The following COLEC10 variants were observed in gnomAD, a reference collection of about 807,000 sequenced individuals.
COLEC10 encodes the protein collectin subfamily member 10, also known as collectin-10.
COLEC10 carries 22 observed loss-of-function variants against 28.4 expected under a neutral mutation model. That is an observed-to-expected ratio of 0.78 (90% CI 0.55 to 1.11). The LOEUF is 1.11. COLEC10 is among the 50% of genes least tolerant of loss of function. The probability of loss-of-function intolerance (pLI) is 0.00; values close to 1 mark genes in which losing one functional copy is unlikely to be tolerated. For missense variants in COLEC10, 361 were observed against 344.1 expected, an observed-to-expected ratio of 1.05 and a Z score of -0.39; for synonymous variants, 125 against 116.1, an observed-to-expected ratio of 1.08 and a Z score of -0.49.
chr8:118,967,763 A>AT, the COLEC10 span, among the ~76,000 whole-genome samples: 2 of 152,016 alleles, frequency 1.3e-5, no homozygotes, highest in Non-Finnish European at 2.9e-5. Context: ...TCCATATGGG[A>AT]TTTTGTTTTA....
rs1815926695 is a variant in COLEC10, at chr8:119,105,841, A to G, written c.484A>G (p.Ile162Val). 5 of 1,613,604 alleles carry G rather than the reference A, an allele frequency of 3.1e-6. No individual in the cohort carries two copies. Among genetic ancestry groups the G allele is most frequent in the Non-Finnish European group, 4.2e-6 (5 of 1,179,756 alleles). ...IRETEEKFYY[I>V]VQEEKNYRES... ...GGAAACTGAAGAGAAATTCTACTAC[A>G]TCGTGCAGGAAGAGAAGAACTACAG... Residue 162 changes from isoleucine (I) to valine (V), a missense_variant, in exon 6 of 6, where the codon ATC (isoleucine) becomes GTC (valine). Physicochemically the swap from Ile to Val is conservative, Grantham distance 29 (BLOSUM62 3). This residue lies in a region of COLEC10 where 335 missense variants were observed against 308.5 expected (regional missense o/e 1.09). Transcript: ENST00000332843.
chr8:119,018,774 AC>A (rs1297230476), intron 2 of COLEC10, among the ~76,000 whole-genome samples: 6 of 152,174 alleles, frequency 3.9e-5, no homozygotes, highest in African/African-American at 1.4e-4. Flanking sequence ...TTGTCTCAGA[AC>A]CAAATTCTTC....
the COLEC10 span, among the ~76,000 whole-genome samples, chr8:118,982,389 A>G: frequency 6.6e-6 from 1 of 152,162 alleles, no homozygotes; most frequent in African/African-American, 2.4e-5. Flanking sequence ...CTTTCAAAAT[A>G]TTATGAAATA....
chr8:119,067,176 G>T, upstream of COLEC10: 2 of 1,170,554 alleles, frequency 1.7e-6, no homozygotes, highest in Middle Eastern at 2.0e-4. Context: ...TTTTTGGAAT[G>T]TGTGTTCCAA....
intron 1 of COLEC10, among the ~76,000 whole-genome samples, chr8:118,999,835 T>C (rs1311102853): frequency 6.6e-6 from 1 of 152,138 alleles, no homozygotes. Context: ...TAACAACAGT[T>C]CAATTACAGT....
chr8:118,959,140 A>G, the COLEC10 span, among the ~76,000 whole-genome samples: 1 of 152,208 alleles, frequency 6.6e-6, no homozygotes, highest in African/African-American at 2.4e-5. Context: ...AAGGAAGACA[A>G]AAGCAGAAGT....
At chr8:119,026,526 CAAAACA>C (rs1421558750) in intron 2 of COLEC10, among the ~76,000 whole-genome samples, 2 of 152,074 alleles carry the variant, frequency 1.3e-5, no homozygotes, top group African/African-American at 2.4e-5. Flanking sequence ...GATCCTATCT[CAAAACA>C]AAAACAAAAA....
At chr8:119,052,742 C>T (rs1409297490) in intron 2 of COLEC10, among the ~76,000 whole-genome samples, 1 of 152,120 alleles carries the variant, frequency 6.6e-6, no homozygotes. Flanking sequence ...AGAATTATTA[C>T]ATTCTAACTG....
chr8:119,016,357 T>C (rs757487054), intron 2 of COLEC10, among the ~76,000 whole-genome samples: 99 of 152,208 alleles, frequency 6.5e-4, no homozygotes, highest in Non-Finnish European at 1.1e-3. Flanking sequence ...GGACATGAAC[T>C]CATCCTTTTT....
chr8:118,966,492 T>C, the COLEC10 span, among the ~76,000 whole-genome samples: 1 of 152,062 alleles, frequency 6.6e-6, no homozygotes. Flanking sequence ...TGCAAGGAGA[T>C]TTCAGTAACA....
At chr8:119,067,493 C>T (rs905577166) in intron 1 of COLEC10, 64 bp downstream of exon 1, 114 of 1,447,696 alleles carry the variant, frequency 7.9e-5, no homozygotes, top group Non-Finnish European at 1.0e-4. Flanking sequence ...ATCTCTGAAC[C>T]CCTTCCTAGA....
At chr8:119,028,498 G>T (rs183611898) in intron 2 of COLEC10, among the ~76,000 whole-genome samples, 1 of 152,222 alleles carries the variant, frequency 6.6e-6, no homozygotes, top group Admixed American at 6.5e-5. Context: ...AGAAAATAAG[G>T]AAGAAGCCAA....
intron 2 of COLEC10, among the ~76,000 whole-genome samples, chr8:119,017,958 TG>T (rs1443945760): frequency 6.6e-6 from 1 of 152,210 alleles, no homozygotes; most frequent in African/African-American, 2.4e-5. Flanking sequence ...AGTTTTCCTC[TG>T]GGCTATGTCT....
At chr8:119,022,371 A>T (rs1814115010) in intron 2 of COLEC10, among the ~76,000 whole-genome samples, 1 of 152,156 alleles carries the variant, frequency 6.6e-6, no homozygotes, top group Non-Finnish European at 1.5e-5. Flanking sequence ...TAAATCTGTG[A>T]TGAATGAAGC....
rs1022870700 is a variant in COLEC10 at position 119,107,874 on chromosome 8, T to A, written c.*1683T>A. The stretch of plus-strand genomic sequence containing the variant: ...CATATTTTAATATGTTGGCAACTAA[T>A]TAATTTTTAACCCAAATTTTAAGTG... On this transcript the variant is annotated 3_prime_UTR_variant, in exon 6 of 6. Coordinates refer to ENST00000332843, the MANE Select transcript of COLEC10 (RefSeq NM_006438.5). Among the ~76,000 whole-genome samples, 1 of 152,176 alleles carries A rather than the reference T, an allele frequency of 6.6e-6. No homozygotes were observed. The highest frequency in any genetic ancestry group is 1.5e-5 in the Non-Finnish European group (1 of 68,028).
At chr8:119,076,063 G>C (rs1380195370) in intron 1 of COLEC10, among the ~76,000 whole-genome samples, 3 of 124,648 alleles carry the variant, frequency 2.4e-5, no homozygotes, top group African/African-American at 7.0e-5. Flanking sequence ...ACCACGCCCG[G>C]CTAATTTTTT....
the COLEC10 span, among the ~76,000 whole-genome samples, chr8:118,978,011 C>T: frequency 6.6e-5 from 10 of 151,662 alleles, no homozygotes; most frequent in Admixed American, 3.3e-4. Flanking sequence ...AATAGAAAGA[C>T]GTAAGAACTA....
chr8:119,024,801 G>T (rs906354813), intron 2 of COLEC10, among the ~76,000 whole-genome samples: 1 of 152,116 alleles, frequency 6.6e-6, no homozygotes, highest in Non-Finnish European at 1.5e-5. Flanking sequence ...TACAGAAAGA[G>T]AATAATATGA....
chr8:118,971,957 C>A, the COLEC10 span, among the ~76,000 whole-genome samples: 99 of 152,040 alleles, frequency 6.5e-4, no homozygotes, highest in Admixed American at 1.6e-3. Flanking sequence ...AGACTTCTAA[C>A]CTCTATCATT....
Sources: gnomAD v4.1 joint callset for allele counts (sites outside exome capture counted in the v4.1 genomes callset) on GRCh38, gnomAD v4.1.1 for gene constraint, gnomAD v4.1.1 regional missense constraint, MANE v1.5 for transcripts, NCBI Gene and HGNC (gene_info 2026-07-23, HGNC 2026-07-21) for gene names.